ANKRD30B: variants seen among roughly 807,000 people sequenced by gnomAD.
ANKRD30B encodes the protein ankyrin repeat domain-containing protein 30B.
ANKRD30B carries 144 observed loss-of-function variants against 202.2 expected under a neutral mutation model. The ratio of observed to expected loss-of-function variants is 0.71; its 90% CI spans 0.62 to 0.82. ANKRD30B has a LOEUF of 0.82. ANKRD30B is among the 40% of genes least tolerant of loss of function. The pLI, the probability that ANKRD30B is intolerant of heterozygous loss-of-function variation, is 0.00. For synonymous variants in ANKRD30B, 508 were observed against 561.3 expected (o/e 0.91, Z 1.34); for missense variants, 1,487 against 1,669.1 (o/e 0.89, Z 1.90).
chr18:14,912,536 A>G, the ANKRD30B span, among the ~76,000 whole-genome samples: 6 of 152,178 alleles, frequency 3.9e-5, no homozygotes, highest in Non-Finnish European at 8.8e-5. Context: ...TTTGTTGAGC[A>G]TGTTGTGTCT....
chr18:14,844,001 A>G (rs1384284163), intron 39 of ANKRD30B, among the ~76,000 whole-genome samples: 1 of 152,168 alleles, frequency 6.6e-6, no homozygotes, highest in East Asian at 1.9e-4. Flanking sequence ...GGTCATAGAT[A>G]ATATGTAGAA....
chr18:14,859,152 G>A, downstream of ANKRD30B, among the ~76,000 whole-genome samples: 1 of 127,804 alleles, frequency 7.8e-6, no homozygotes, highest in Non-Finnish European at 1.7e-5. Context: ...CCAGGAAGAG[G>A]CGCTCCTCAC....
intron 43 of ANKRD30B, among the ~76,000 whole-genome samples, 89 bp downstream of exon 43, chr18:14,854,032 G>C (rs1971991918): frequency 1.3e-5 from 2 of 152,180 alleles, no homozygotes; most frequent in South Asian, 4.2e-4. Context: ...GTCTATAACT[G>C]GTTAAATAAT....
At chr18:14,838,414 A>G (rs1971271161) in intron 36 of ANKRD30B, among the ~76,000 whole-genome samples, 1 of 152,220 alleles carries the variant, frequency 6.6e-6, no homozygotes, top group Non-Finnish European at 1.5e-5. Flanking sequence ...TCCAGTATAG[A>G]TCTGAAGGAA....
chr18:14,898,117 T>C, the ANKRD30B span, among the ~76,000 whole-genome samples: 1 of 152,242 alleles, frequency 6.6e-6, no homozygotes, highest in Non-Finnish European at 1.5e-5. Flanking sequence ...GATAATTTAT[T>C]ATATTGTATC....
chr18:14,819,206 GTTGT>G (rs1970280669), intron 30 of ANKRD30B, among the ~76,000 whole-genome samples: 3 of 147,868 alleles, frequency 2.0e-5, no homozygotes, highest in East Asian at 2.0e-4. Flanking sequence ...TTTTGATGGG[GTTGT>G]TTGTTTTTTT....
chr18:14,866,845 G>A, the ANKRD30B span, among the ~76,000 whole-genome samples: 79 of 152,104 alleles, frequency 5.2e-4, no homozygotes, highest in Non-Finnish European at 8.5e-4. Flanking sequence ...GGTTGTGTGC[G>A]CTGTCGTGCA....
chr18:14,880,992 C>T, the ANKRD30B span, among the ~76,000 whole-genome samples: 1 of 152,058 alleles, frequency 6.6e-6, no homozygotes, highest in African/African-American at 2.4e-5. Context: ...CTAGAGGAGT[C>T]CGTAGGGTTC....
At chr18:14,871,402 A>G in the ANKRD30B span, among the ~76,000 whole-genome samples, 1 of 151,312 alleles carries the variant, frequency 6.6e-6, no homozygotes, top group African/African-American at 2.4e-5. Context: ...CAAGGAGTGC[A>G]GCCTCGTACT....
the ANKRD30B span, among the ~76,000 whole-genome samples, chr18:14,913,180 A>G: frequency 9.2e-5 from 14 of 152,346 alleles, no homozygotes; most frequent in Admixed American, 7.2e-4. Context: ...CTAAGTACCA[A>G]TTGAAGCTTT....
At chr18:14,860,416 C>A in the ANKRD30B span, among the ~76,000 whole-genome samples, 5 of 100,984 alleles carry the variant, frequency 5.0e-5, no homozygotes, top group East Asian at 3.0e-4. Flanking sequence ...CCTCACCTCC[C>A]AGATGGGGCA....
chr18:14,873,544 A>AAG, the ANKRD30B span, among the ~76,000 whole-genome samples: 2 of 149,294 alleles, frequency 1.3e-5, no homozygotes, highest in African/African-American at 2.5e-5. Context: ...AAAAAAAAAA[A>AAG]AGAGAGAATT....
At chr18:14,861,723 G>A in the ANKRD30B span, among the ~76,000 whole-genome samples, 1 of 151,768 alleles carries the variant, frequency 6.6e-6, no homozygotes, top group Non-Finnish European at 1.5e-5. Flanking sequence ...TAGTTAGGCA[G>A]ATTATTAGGC....
chr18:14,756,806 C>T (rs1468980641), intron 4 of ANKRD30B, among the ~76,000 whole-genome samples: 5 of 152,062 alleles, frequency 3.3e-5, no homozygotes, highest in South Asian at 2.1e-4. Flanking sequence ...GCACGAGAAT[C>T]GCTTGAACCC....
chr18:14,785,963 A>G (rs948605210), intron 14 of ANKRD30B, among the ~76,000 whole-genome samples: 2 of 145,432 alleles, frequency 1.4e-5, no homozygotes, highest in Non-Finnish European at 3.0e-5. Flanking sequence ...GCGTGAACCC[A>G]GGAAGCGGAG....
chr18:14,869,790 T>C, the ANKRD30B span, among the ~76,000 whole-genome samples: 1 of 152,022 alleles, frequency 6.6e-6, no homozygotes, highest in Non-Finnish European at 1.5e-5. Context: ...GTAACATTCT[T>C]TAGTATGAAC....
At chr18:14,874,236 G>A in the ANKRD30B span, among the ~76,000 whole-genome samples, 4 of 152,222 alleles carry the variant, frequency 2.6e-5, no homozygotes, top group Admixed American at 6.5e-5. Flanking sequence ...GACCCTGAAC[G>A]CTCTTCCTTT....
In ANKRD30B at chr18:14,756,522, G is replaced by C. The variant is rs557360433; in HGVS notation, c.618-1293G>C. Among the ~76,000 whole-genome samples, 4 of 152,302 alleles carry C rather than the reference G, an allele frequency of 2.6e-5. No homozygotes were observed. In the East Asian group the frequency reaches 7.7e-4, roughly 29 times the overall value. On this transcript the variant is annotated intron_variant, in intron 4 of 43. Transcript: ENST00000690538. ...GGTATTGCCTAGGTTTTCTTCTAGA[G>C]TTTTTATGGTTTTAGGTCTAACATG...
chr18:14,921,083 A>G, the ANKRD30B span, among the ~76,000 whole-genome samples: 1 of 152,234 alleles, frequency 6.6e-6, no homozygotes, highest in Non-Finnish European at 1.5e-5. Context: ...CCCAGTAATG[A>G]GGAAGTGATC....
Sources: allele counts gnomAD v4.1 joint callset (sites outside exome capture counted in the v4.1 genomes callset), GRCh38; gene constraint gnomAD v4.1.1; transcripts MANE v1.5; gene names NCBI Gene and HGNC (gene_info 2026-07-23, HGNC 2026-07-21).